ZBBX: variants seen among roughly 807,000 people sequenced by gnomAD.
ZBBX encodes the protein zinc finger B-box domain-containing protein 1.
A neutral mutation model predicts 108.5 loss-of-function variants in ZBBX; 101 were observed. The ratio of observed to expected loss-of-function variants is 0.93; its 90% confidence interval spans 0.79 to 1.10. The LOEUF (loss-of-function observed/expected upper bound fraction) is 1.10. Ranked by LOEUF, ZBBX falls within the 50% of genes least tolerant of loss-of-function variation. ZBBX has a pLI of 0.00. For missense variants in ZBBX, 1,009 were observed against 941.4 expected (o/e 1.07, Z -0.94); for synonymous variants, 356 against 323.4 (o/e 1.10, Z -1.08).
intron 9 of ZBBX, among the ~76,000 whole-genome samples, chr3:167,334,553 G>A (rs1036086895): frequency 6.6e-6 from 1 of 152,034 alleles, no homozygotes; most frequent in Non-Finnish European, 1.5e-5. Context: ...CAGCCTTGGC[G>A]ACAGAGCAAC....
chr3:167,402,311 A>C (rs1748450482), intron 1 of ZBBX, among the ~76,000 whole-genome samples: 1 of 152,176 alleles, frequency 6.6e-6, no homozygotes, highest in Non-Finnish European at 1.5e-5. Flanking sequence ...AAATCCTGAT[A>C]AGCTCCATGA....
chr3:167,401,288 T>C (rs2108643242), intron 1 of ZBBX: 1 of 152,316 alleles, frequency 6.6e-6, no homozygotes, highest in Middle Eastern at 3.4e-3. Context: ...CACTAGGCAC[T>C]TTCTGCTTCC....
At chr3:167,324,148 C>T (rs1483201524) in intron 11 of ZBBX, among the ~76,000 whole-genome samples, 1 of 149,876 alleles carries the variant, frequency 6.7e-6, no homozygotes, top group Admixed American at 6.7e-5. Flanking sequence ...AAACAAAATT[C>T]TTTTTTTTTT....
chr3:167,214,954 A>G, the ZBBX span, among the ~76,000 whole-genome samples: 1 of 152,208 alleles, frequency 6.6e-6, no homozygotes, highest in Admixed American at 6.5e-5. Flanking sequence ...GAACAAAAAT[A>G]CATTTCAAAA....
intron 17 of ZBBX, among the ~76,000 whole-genome samples, chr3:167,300,005 T>C (rs1440626907): frequency 6.6e-6 from 1 of 152,188 alleles, no homozygotes; most frequent in Non-Finnish European, 1.5e-5. Flanking sequence ...AACAACTTAA[T>C]TATTTATAGA....
chr3:167,209,536 T>C, the ZBBX span, among the ~76,000 whole-genome samples: 2 of 152,172 alleles, frequency 1.3e-5, no homozygotes, highest in Admixed American at 6.5e-5. Context: ...AATGCAGATA[T>C]AGTTGCAATG....
At chr3:167,315,223 T>C (rs896525143) in intron 15 of ZBBX, among the ~76,000 whole-genome samples, 3 of 152,216 alleles carry the variant, frequency 2.0e-5, no homozygotes, top group Non-Finnish European at 4.4e-5. Flanking sequence ...TTATTTTTCA[T>C]TTGGAAATGA....
chr3:167,370,152 G>A (rs1318716494), intron 4 of ZBBX, among the ~76,000 whole-genome samples: 2 of 152,160 alleles, frequency 1.3e-5, no homozygotes, highest in African/African-American at 4.8e-5. Flanking sequence ...CTAGAAGCAA[G>A]ACAACCAATT....
Position 167,322,109 on chromosome 3 carries a change from G to GA in ZBBX, c.983+7dup. ...ATTTCCTAATAGTATTATAATTTCA[G>GA]AAAATACCTCCTGTGTTTTTTAAGC... On this transcript the variant is annotated splice_region_variant and intron_variant, in intron 12 of 21. Transcript: ENST00000675490. 1 of 1,242,384 alleles carries GA rather than the reference G, an allele frequency of 8.0e-7. No homozygotes were observed. The allele number at this position is 1,242,384 out of a possible 1,614,324, so 77.0% of individuals were successfully genotyped here. A position where few individuals can be genotyped will look rare whatever the true frequency, so the allele number is the denominator to read the frequency against.
chr3:167,214,408 A>T, the ZBBX span, among the ~76,000 whole-genome samples: 2 of 152,226 alleles, frequency 1.3e-5, no homozygotes, highest in Non-Finnish European at 2.9e-5. Flanking sequence ...GACATCACAT[A>T]TTGGTAAAGG....
At chr3:167,284,506 C>T (rs756569401) in intron 19 of ZBBX, among the ~76,000 whole-genome samples, 15 of 151,862 alleles carry the variant, frequency 9.9e-5, no homozygotes, top group East Asian at 1.9e-4. Flanking sequence ...ACAAACCAAA[C>T]GAAAATACTA....
the ZBBX span, among the ~76,000 whole-genome samples, chr3:167,186,282 C>A: frequency 6.6e-6 from 1 of 151,960 alleles, no homozygotes; most frequent in Admixed American, 6.6e-5. Context: ...TCTATCCATG[C>A]CCTTTGTACA....
chr3:167,300,476 G>C (rs959808412), intron 17 of ZBBX, among the ~76,000 whole-genome samples: 3 of 151,976 alleles, frequency 2.0e-5, no homozygotes, highest in Admixed American at 2.0e-4. Flanking sequence ...CATTCAGATT[G>C]TTTCCTGAAC....
chr3:167,296,117 T>G, intron 18 of ZBBX, among the ~76,000 whole-genome samples: 1 of 152,100 alleles, frequency 6.6e-6, no homozygotes, highest in East Asian at 1.9e-4. Context: ...TCCATCAGTG[T>G]AATACACTAC....
rs756010444 is a variant in ZBBX at position 167,282,217 on chromosome 3, T to TG, written c.2254+20dup. The TG allele has an allele frequency of 1.9e-6, 3 of 1,587,874 alleles. No homozygotes were observed. The African/African-American group carries it at 4.1e-5, about 22-fold the overall frequency. On this transcript the variant is annotated intron_variant, in intron 20 of 21. Coordinates refer to ENST00000675490, the MANE Select transcript of ZBBX (RefSeq NM_001199201.2). ...CAGAGTTAATTAGCATTATCTAAAG[T>TG]GAAAAAAAAAATAGGATTACCTGCA... is the stretch of plus-strand genomic sequence containing the variant.
the ZBBX span, among the ~76,000 whole-genome samples, chr3:167,218,071 T>C: frequency 6.6e-6 from 1 of 151,878 alleles, no homozygotes; most frequent in South Asian, 2.1e-4. Context: ...GGGAGCTAGA[T>C]GATAAGAACT....
chr3:167,320,243 C>CA (rs201604484), intron 12 of ZBBX, among the ~76,000 whole-genome samples: 40,409 of 98,102 alleles, frequency 0.41, 7,079 homozygotes, highest in East Asian at 0.72. Context: ...GCAAACTAAC[C>CA]AAAAAAAAAA....
At chr3:167,230,929 G>T in the ZBBX span, among the ~76,000 whole-genome samples, 1 of 151,782 alleles carries the variant, frequency 6.6e-6, no homozygotes, top group Non-Finnish European at 1.5e-5. Context: ...GGTGGAGCCA[G>T]TTAGAAGAGT....
chr3:167,239,528 T>C (rs894667451), downstream of ZBBX, among the ~76,000 whole-genome samples: 25 of 152,244 alleles, frequency 1.6e-4, no homozygotes, highest in African/African-American at 5.5e-4. Context: ...ATATTAAATA[T>C]ATTTTCTCCT....
Sources: gnomAD v4.1 joint callset for allele counts (sites outside exome capture counted in the v4.1 genomes callset) on GRCh38, gnomAD v4.1.1 for gene constraint, MANE v1.5 for transcripts, NCBI Gene and HGNC (gene_info 2026-07-23, HGNC 2026-07-21) for gene names.